The following TSHZ1 variants were observed in gnomAD, a reference collection of about 807,000 sequenced individuals.
The protein encoded by TSHZ1 is teashirt homolog 1.
In TSHZ1, 12 loss-of-function variants were observed where a neutral mutation model predicts 67.1. The observed-to-expected ratio is 0.18, with a 90% confidence interval of 0.11 to 0.29. The LOEUF (loss-of-function observed/expected upper bound fraction) is 0.29. Among genes scored for constraint, TSHZ1 ranks in the 10% least tolerant of loss-of-function variants. TSHZ1 has a pLI of 1.00. For missense variants in TSHZ1, 1,305 were observed against 1,413.9 expected, an observed-to-expected ratio of 0.92 and a Z score of 1.23; for synonymous variants, 632 against 622.4, an observed-to-expected ratio of 1.02 and a Z score of -0.23.
At chr18:75,271,119 A>G (rs2023551341) in intron 1 of TSHZ1, among the ~76,000 whole-genome samples, 1 of 152,178 alleles carries the variant, frequency 6.6e-6, no homozygotes, top group South Asian at 2.1e-4. Flanking sequence ...CAGGAATCCC[A>G]CTTATAGTCT....
chr18:75,273,254 A>G (rs1258054830), intron 1 of TSHZ1, among the ~76,000 whole-genome samples: 1 of 152,254 alleles, frequency 6.6e-6, no homozygotes, highest in Non-Finnish European at 1.5e-5. Flanking sequence ...CTTATGGAAT[A>G]TAAAACAGGA....
chr18:75,245,646 A>G (rs2023212628), intron 1 of TSHZ1, among the ~76,000 whole-genome samples: 1 of 152,138 alleles, frequency 6.6e-6, no homozygotes, highest in Non-Finnish European at 1.5e-5. Flanking sequence ...TTATTTTAGC[A>G]AATTTACCCC....
chr18:75,268,527 A>C (rs1393461191), intron 1 of TSHZ1, among the ~76,000 whole-genome samples: 1 of 152,196 alleles, frequency 6.6e-6, no homozygotes, highest in East Asian at 1.9e-4. Flanking sequence ...TTTCCCATTA[A>C]ACTGCCTGCT....
chr18:75,280,581 G>T (rs548519798), intron 1 of TSHZ1, among the ~76,000 whole-genome samples: 1 of 152,198 alleles, frequency 6.6e-6, no homozygotes, highest in Non-Finnish European at 1.5e-5. Flanking sequence ...TCAGTGACTC[G>T]CTTTCAAATC....
chr18:75,225,889 C>G (rs915364344), intron 1 of TSHZ1, among the ~76,000 whole-genome samples: 1 of 152,026 alleles, frequency 6.6e-6, no homozygotes, highest in Non-Finnish European at 1.5e-5. Context: ...GGTGGAGAGG[C>G]AGGTTTGCAC....
intron 1 of TSHZ1, among the ~76,000 whole-genome samples, chr18:75,254,282 G>A (rs1230583585): frequency 1.3e-5 from 2 of 152,062 alleles, no homozygotes; most frequent in Admixed American, 6.6e-5. Context: ...CTGCTTTATG[G>A]GACTACAGGA....
intron 1 of TSHZ1, among the ~76,000 whole-genome samples, chr18:75,235,178 C>T (rs1389114507): frequency 1.3e-5 from 2 of 152,124 alleles, no homozygotes; most frequent in Non-Finnish European, 2.9e-5. Flanking sequence ...AAATCCTTCT[C>T]GGAGGAACCA....
At chr18:75,213,675 G>A (rs1455673415) in intron 1 of TSHZ1, among the ~76,000 whole-genome samples, 1 of 151,642 alleles carries the variant, frequency 6.6e-6, no homozygotes, top group Non-Finnish European at 1.5e-5. Context: ...GCATGATGGT[G>A]CATGGTAATC....
rs149490301 is a variant in TSHZ1 at position 75,288,588 on chromosome 18, G to A, written c.3181G>A (p.Gly1061Ser). 1.2e-4 allele frequency: 190 copies of A among 1,613,000 alleles called. No homozygotes were observed. In the African/African-American group the frequency reaches 1.7e-3, roughly 14 times the overall value. Residue 1061 changes from glycine (G) to serine (S), a missense_variant, in exon 2 of 2, where the codon GGC becomes AGC. By Grantham distance (56) the Gly-to-Ser change is moderately conservative. This residue lies in a region of TSHZ1 where 909 missense variants were observed against 961.8 expected (regional missense o/e 0.95). Transcript: ENST00000580243. The surrounding 1 kb of genome is among the most constrained non-coding windows in gnomAD (Gnocchi z 4.9). ...AVKLHLSKTHGKSPEDHLIYV... is the reference protein window; with the variant it reads ...AVKLHLSKTHSKSPEDHLIYV... ...CAAACTGCACCTTAGTAAGACCCAC[G>A]GCAAGTCTCCCGAGGACCACCTGAT...
chr18:75,230,985 C>T (rs116792595), intron 1 of TSHZ1, among the ~76,000 whole-genome samples: 2 of 152,182 alleles, frequency 1.3e-5, no homozygotes, highest in African/African-American at 4.8e-5. Context: ...CCTGTCAGTT[C>T]CCTTGTGGGG....
chr18:75,250,513 C>T (rs966290214), intron 1 of TSHZ1, among the ~76,000 whole-genome samples: 2 of 152,188 alleles, frequency 1.3e-5, no homozygotes, highest in African/African-American at 2.4e-5. Context: ...CGGGGCGGTG[C>T]GGGCTGGCCC....
chr18:75,248,472 TATCATTATAC>T (rs1291312317), intron 1 of TSHZ1, among the ~76,000 whole-genome samples: 1 of 152,254 alleles, frequency 6.6e-6, no homozygotes, highest in Non-Finnish European at 1.5e-5. Flanking sequence ...TAGATACTCT[TATCATTATAC>T]ATAATCCAAG....
intron 1 of TSHZ1, among the ~76,000 whole-genome samples, chr18:75,246,701 T>A (rs1281799670): frequency 6.6e-6 from 1 of 152,114 alleles, no homozygotes; most frequent in Non-Finnish European, 1.5e-5. Flanking sequence ...GTGGCCTTTT[T>A]TTGTTTTTAG....
In TSHZ1 at chr18:75,287,541, A is replaced by G. The variant is rs778700134; in HGVS notation, c.2134A>G (p.Thr712Ala). The change falls in exon 2 of 2, where the codon ACC becomes GCC. Residue 712 changes from threonine to alanine, a missense_variant. This residue lies in a region of TSHZ1 where 909 missense variants were observed against 961.8 expected (regional missense o/e 0.95). Coordinates refer to ENST00000580243, the MANE Select transcript of TSHZ1 (RefSeq NM_001308210.2). This position sits in a 1 kb window ranked among gnomAD's most constrained non-coding sequence, Gnocchi z 5.0. Reference protein sequence around the residue: ...AKKEGPLDVHTPNGTEPLKAK... With the variant: ...AKKEGPLDVHAPNGTEPLKAK... ...AAAGGAGGGACCGCTGGACGTTCACACCCCAAATGGCACAGAGCCTCTCAA... is the reference window on the plus strand; with the variant it reads ...AAAGGAGGGACCGCTGGACGTTCACGCCCCAAATGGCACAGAGCCTCTCAA... 10 of 1,614,160 alleles carry G rather than the reference A, an allele frequency of 6.2e-6. No individual in the cohort carries two copies. Among genetic ancestry groups the G allele is most frequent in the Non-Finnish European group, 6.8e-6 (8 of 1,180,028 alleles).
At chr18:75,220,234 T>C (rs541836048) in intron 1 of TSHZ1, among the ~76,000 whole-genome samples, 1 of 152,160 alleles carries the variant, frequency 6.6e-6, no homozygotes, top group Non-Finnish European at 1.5e-5. Flanking sequence ...AAATATTAAT[T>C]TTTTTGCGTG....
chr18:75,286,753 C>T lies in TSHZ1; in HGVS notation c.1346C>T (p.Ser449Phe), dbSNP rs2023772660. Residue 449 changes from serine (S) to phenylalanine (F), a missense_variant, in exon 2 of 2, where the codon TCT becomes TTT. Ser to Phe is a radical substitution (Grantham distance 155). Coordinates refer to ENST00000580243, the MANE Select transcript of TSHZ1 (RefSeq NM_001308210.2). The surrounding 1 kb of genome is among the most constrained non-coding windows in gnomAD (Gnocchi z 5.1). ...TTCCTGAAAGTGACCACCTCGGCTTCTAAGAAGGGCAAGCAGTTGGTGCTG... is the reference window on the plus strand; with the variant it reads ...TTCCTGAAAGTGACCACCTCGGCTTTTAAGAAGGGCAAGCAGTTGGTGCTG... ...GHFLKVTTSA[S>F]KKGKQLVLDP... 6.2e-7 allele frequency: 1 copy of T among 1,613,482 alleles called. No homozygotes were observed. The highest frequency in any genetic ancestry group is 1.3e-5 in the African/African-American group (1 of 74,932).
At chr18:75,237,791 C>CTTTTATTT (rs150217532) in intron 1 of TSHZ1, among the ~76,000 whole-genome samples, 1,588 of 143,554 alleles carry the variant, frequency 0.011, 27 homozygotes, top group Non-Finnish European at 0.013. Flanking sequence ...TTCTTTCTTT[C>CTTTTATTT]ATTTATTTAT....
chr18:75,254,411 G>A (rs545339602), intron 1 of TSHZ1, among the ~76,000 whole-genome samples: 26 of 152,270 alleles, frequency 1.7e-4, no homozygotes, highest in African/African-American at 4.6e-4. Flanking sequence ...TATTTTTCTA[G>A]ATCAGAACTA....
chr18:75,256,554 A>T (rs189608315), intron 1 of TSHZ1, among the ~76,000 whole-genome samples: 1 of 152,368 alleles, frequency 6.6e-6, no homozygotes, highest in East Asian at 1.9e-4. Context: ...AGATTTCTTA[A>T]TATCTATGTG....
Sources: gnomAD v4.1 joint callset for allele counts (sites outside exome capture counted in the v4.1 genomes callset) on GRCh38, gnomAD v4.1.1 for gene constraint, gnomAD v4.1.1 regional missense constraint, Gnocchi (gnomAD v3.1) non-coding constraint, MANE v1.5 for transcripts, NCBI Gene and HGNC (gene_info 2026-07-23, HGNC 2026-07-21) for gene names.